Variants in CACNB4 observed in about 807,000 individuals in gnomAD.
CACNB4 encodes voltage-dependent L-type calcium channel subunit beta-4.
In CACNB4, 32 loss-of-function variants were observed where a neutral mutation model predicts 71.2. The ratio of observed to expected loss-of-function variants is 0.45; its 90% CI spans 0.34 to 0.60. CACNB4 has a LOEUF of 0.60. CACNB4 is among the 20% of genes least tolerant of loss of function. CACNB4 has a pLI of 0.01. For missense variants in CACNB4, 464 were observed against 647.9 expected (o/e 0.72, Z 3.08); for synonymous variants, 231 against 236.9 (o/e 0.97, Z 0.23).
chr2:152,057,917 A>G (rs767313984), intron 2 of CACNB4, among the ~76,000 whole-genome samples: 76 of 152,330 alleles, frequency 5.0e-4, no homozygotes, highest in Non-Finnish European at 9.8e-4. Flanking sequence ...CTCATCTTGA[A>G]TCGTAATCTG....
chr2:151,875,585 C>T (rs1439226471), intron 5 of CACNB4, among the ~76,000 whole-genome samples: 1 of 147,542 alleles, frequency 6.8e-6, no homozygotes, highest in Non-Finnish European at 1.5e-5. Context: ...CAGAGGCGCC[C>T]CTCACCTCCC....
chr2:152,005,270 C>T (rs751481941), intron 2 of CACNB4, among the ~76,000 whole-genome samples: 1 of 152,180 alleles, frequency 6.6e-6, no homozygotes, highest in Admixed American at 6.5e-5. Context: ...TGGACTCAAC[C>T]TACATGCCCA....
intron 2 of CACNB4, among the ~76,000 whole-genome samples, chr2:151,940,771 G>C (rs1283659444): frequency 6.6e-6 from 1 of 152,194 alleles, no homozygotes; most frequent in Non-Finnish European, 1.5e-5. Flanking sequence ...TTGCCAAATG[G>C]TGGTATGATT....
intron 2 of CACNB4, among the ~76,000 whole-genome samples, chr2:152,019,730 G>A (rs1225272030): frequency 6.6e-6 from 1 of 152,258 alleles, no homozygotes; most frequent in Non-Finnish European, 1.5e-5. Flanking sequence ...CACCAAATGT[G>A]TGTGTGCATA....
At chr2:152,030,333 A>G (rs1230151842) in intron 2 of CACNB4, among the ~76,000 whole-genome samples, 2 of 152,240 alleles carry the variant, frequency 1.3e-5, no homozygotes, top group Non-Finnish European at 2.9e-5. Flanking sequence ...TTTTTTCATC[A>G]ATATTAATAG....
At chr2:152,032,955 TA>T (rs5835405) in intron 2 of CACNB4, among the ~76,000 whole-genome samples, 122,794 of 151,926 alleles carry the variant, frequency 0.81, 50,896 homozygotes, top group Middle Eastern at 0.91. Flanking sequence ...CCCTGTCTCT[TA>T]AAAAAAAAAT....
intron 2 of CACNB4, among the ~76,000 whole-genome samples, chr2:152,028,567 T>C (rs1684100579): frequency 6.6e-6 from 1 of 152,210 alleles, no homozygotes; most frequent in Non-Finnish European, 1.5e-5. Context: ...TATAACCATA[T>C]CATTTAAATT....
intron 2 of CACNB4, among the ~76,000 whole-genome samples, chr2:151,965,307 G>A (rs535915035): frequency 2.6e-5 from 4 of 152,306 alleles, no homozygotes; most frequent in South Asian, 2.1e-4. Context: ...CTCAAGTCAG[G>A]ACTGACTTTT....
intron 2 of CACNB4, among the ~76,000 whole-genome samples, chr2:151,996,921 G>A (rs967783072): frequency 8.7e-5 from 10 of 114,976 alleles, no homozygotes; most frequent in Non-Finnish European, 2.3e-4. Flanking sequence ...GTTACCTGTT[G>A]GTGTTTAAGA....
Position 151,839,134 on chromosome 2 carries a change from G to C in CACNB4, c.1548C>G (p.Ser516=). The stretch of plus-strand genomic sequence containing the variant: ...TTCATTAGACTCAAAGCCTATGTCG[G>C]GAGTCATGGCTATATCCCCCAGGTG... The part of the protein sequence containing the change: ...RGSPGGYSHD[S]RHRL The change falls in exon 14 of 14, where the codon TCC becomes TCG. Residue 516 remains serine (S), a synonymous_variant. Coordinates refer to ENST00000539935, the MANE Select transcript of CACNB4 (RefSeq NM_000726.5). 1.9e-6 allele frequency: 3 copies of C among 1,610,998 alleles called. No homozygotes were observed. Among genetic ancestry groups the C allele is most frequent in the Non-Finnish European group, 2.5e-6 (3 of 1,177,626 alleles).
chr2:151,874,458 A>G (rs940035702), intron 5 of CACNB4, among the ~76,000 whole-genome samples: 1 of 150,258 alleles, frequency 6.7e-6, no homozygotes, highest in Non-Finnish European at 1.5e-5. Flanking sequence ...ACAGAGCGAG[A>G]CTCTAAGAAA....
intron 2 of CACNB4, among the ~76,000 whole-genome samples, chr2:152,034,523 T>TA (rs1347405386): frequency 6.6e-6 from 1 of 152,198 alleles, no homozygotes; most frequent in Non-Finnish European, 1.5e-5. Flanking sequence ...TTCAAGCCGT[T>TA]ACCACAAAAT....
intron 2 of CACNB4, among the ~76,000 whole-genome samples, chr2:152,076,363 C>G (rs1451401821): frequency 6.7e-6 from 1 of 148,444 alleles, no homozygotes; most frequent in Non-Finnish European, 1.5e-5. Flanking sequence ...GGGGTTTCAC[C>G]ATGTTGGTCA....
chr2:152,079,999 C>T (rs996423367), intron 2 of CACNB4, among the ~76,000 whole-genome samples: 1 of 152,142 alleles, frequency 6.6e-6, no homozygotes, highest in Non-Finnish European at 1.5e-5. Context: ...ACAGCAATAG[C>T]TCCTACATAA....
chr2:152,026,158 G>A (rs1210458866), intron 2 of CACNB4, among the ~76,000 whole-genome samples: 1 of 152,134 alleles, frequency 6.6e-6, no homozygotes, highest in African/African-American at 2.4e-5. Context: ...CACACACTCT[G>A]CCTTTTCTCG....
At chr2:151,887,569 T>C (rs1368862470) in intron 2 of CACNB4, among the ~76,000 whole-genome samples, 1 of 152,160 alleles carries the variant, frequency 6.6e-6, no homozygotes, top group African/African-American at 2.4e-5. Flanking sequence ...GAAGGTGATC[T>C]CAAGTGAAAC....
chr2:152,061,786 C>T lies in CACNB4; in HGVS notation c.147+36544G>A, dbSNP rs1397238846. ...CAGCACTCTGGGAGGCCGAGGCAGG[C>T]GGATCACCAGAGATCAGGAGTCCAA... On this transcript the variant is annotated intron_variant, in intron 2 of 13. Coordinates refer to ENST00000539935, the MANE Select transcript of CACNB4 (RefSeq NM_000726.5). 4.6e-5 allele frequency among the ~76,000 whole-genome samples: 7 copies of T among 151,662 alleles called. No homozygotes were observed. In the East Asian group the frequency reaches 9.6e-4, roughly 21 times the overall value.
Position 151,835,553 on chromosome 2 carries a change from GTAAC to G in CACNB4, c.*3562_*3565del, listed in dbSNP as rs2099834725. ...TAAGCAAATACCAAAATAAAACTGT[GTAAC>G]TAAGAAAATATATACTAACATGCAA... is the stretch of plus-strand genomic sequence containing the variant. On this transcript the variant is annotated 3_prime_UTR_variant, in exon 14 of 14. Coordinates refer to ENST00000539935, the MANE Select transcript of CACNB4 (RefSeq NM_000726.5). The G allele has an allele frequency of 6.6e-6, 1 of 151,816 alleles. No individual in the cohort carries two copies. Among genetic ancestry groups the G allele is most frequent in the African/African-American group, 2.4e-5 (1 of 41,400 alleles). 9.4% of individuals were successfully genotyped at this position (151,816 alleles called of 1,614,324 possible).
intron 2 of CACNB4, among the ~76,000 whole-genome samples, chr2:152,027,310 T>TA (rs1684033244): frequency 6.6e-6 from 1 of 152,258 alleles, no homozygotes; most frequent in Non-Finnish European, 1.5e-5. Context: ...AAATATCTAC[T>TA]GAGAGCCTCT....
Sources: allele counts gnomAD v4.1 joint callset (sites outside exome capture counted in the v4.1 genomes callset), GRCh38; gene constraint gnomAD v4.1.1; transcripts MANE v1.5; gene names NCBI Gene and HGNC (gene_info 2026-07-23, HGNC 2026-07-21).